The following SLC47A1 variants were observed in gnomAD, a reference collection of about 807,000 sequenced individuals.
The protein encoded by SLC47A1 is multidrug and toxin extrusion protein 1.
A neutral mutation model predicts 65.8 loss-of-function variants in SLC47A1; 58 were observed. The observed-to-expected ratio is 0.88, with a 90% CI of 0.71 to 1.10. The LOEUF is 1.10. SLC47A1 is among the 50% of genes least tolerant of loss of function. The probability of loss-of-function intolerance (pLI) is 0.00; values close to 1 mark genes in which losing one functional copy is unlikely to be tolerated. For synonymous variants in SLC47A1, 285 were observed against 295.0 expected (o/e 0.97, Z 0.35); for missense variants, 706 against 719.2 (o/e 0.98, Z 0.21).
chr17:19,556,328 G>T (rs974198275), intron 10 of SLC47A1, among the ~76,000 whole-genome samples: 2 of 152,144 alleles, frequency 1.3e-5, no homozygotes, highest in African/African-American at 2.4e-5. Flanking sequence ...TCCCTTGAAA[G>T]ATTTGATTTT....
At chr17:19,551,328 G>T in intron 5 of SLC47A1, 96 bp from the exon 6 acceptor site, 2 of 1,124,960 alleles carry the variant, frequency 1.8e-6, no homozygotes, top group South Asian at 1.2e-5. Flanking sequence ...GAGGGCAGCC[G>T]AACCTTGGCT....
At chr17:19,552,527 C>T (rs904873822) in intron 6 of SLC47A1, among the ~76,000 whole-genome samples, 5 of 152,180 alleles carry the variant, frequency 3.3e-5, no homozygotes, top group African/African-American at 1.2e-4. Context: ...GCAAGGCCTT[C>T]TCCTGGACTC....
At chr17:19,560,141 G>A (rs936688065) in intron 10 of SLC47A1, 47 bp from the exon 11 acceptor site, 6 of 1,402,286 alleles carry the variant, frequency 4.3e-6, no homozygotes, top group Non-Finnish European at 5.0e-6. Context: ...ACGTGTTCTC[G>A]CTCTGCAGTT....
At chr17:19,551,490 CTTTGGGAGGCTAATGGGAG>C in intron 6 of SLC47A1, 22 bp downstream of exon 6, 1 of 1,602,290 alleles carries the variant, frequency 6.2e-7, no homozygotes, top group Non-Finnish European at 8.6e-7. Flanking sequence ...TGTTCTCTTC[CTTTGGGAGGCTAATGGGAG>C]TTTGTACCTT....
At chr17:19,557,841 T>C (rs919999895) in intron 10 of SLC47A1, 2 of 304,116 alleles carry the variant, frequency 6.6e-6, no homozygotes, top group Non-Finnish European at 1.4e-5. Flanking sequence ...ACTTTTGTTC[T>C]AGTAGCATCT....
Position 19,555,582 on chromosome 17 carries a change from G to C in SLC47A1, c.642-11G>C. 2 of 1,613,766 alleles carry C rather than the reference G, an allele frequency of 1.2e-6. No homozygotes were observed. The highest frequency in any genetic ancestry group is 1.7e-6 in the Non-Finnish European group (2 of 1,179,682). On this transcript the variant is annotated splice_polypyrimidine_tract_variant and intron_variant, in intron 7 of 16. Coordinates refer to ENST00000270570, the MANE Select transcript of SLC47A1 (RefSeq NM_018242.3). ...AAGGTACCTCCCTCTCATTGGGACT[G>C]TTCTTTCCAGAGGCTCTGCACTGGC...
intron 1 of SLC47A1, among the ~76,000 whole-genome samples, chr17:19,540,682 C>A (rs1208881791): frequency 6.6e-6 from 1 of 152,130 alleles, no homozygotes; most frequent in African/African-American, 2.4e-5. Context: ...CCTTTTTATT[C>A]CCATCTTCTG....
At chr17:19,541,109 T>C (rs992649820) in intron 1 of SLC47A1, among the ~76,000 whole-genome samples, 3 of 152,094 alleles carry the variant, frequency 2.0e-5, no homozygotes, top group East Asian at 1.9e-4. Context: ...ACCTAAGTCA[T>C]TGGAGCCCTA....
At chr17:19,555,166 CCTATT>C in intron 6 of SLC47A1, 41 bp from the exon 7 acceptor site, 1 of 1,557,548 alleles carries the variant, frequency 6.4e-7, no homozygotes, top group Non-Finnish European at 8.9e-7. Flanking sequence ...GAAAGGCAGT[CCTATT>C]CTGTGGATCT....
chr17:19,556,083 TG>T, intron 10 of SLC47A1, 21 bp downstream of exon 10: 1 of 1,613,018 alleles, frequency 6.2e-7, no homozygotes, highest in African/African-American at 1.3e-5. Context: ...GAGCCGATCA[TG>T]GGGAGGTGCC....
chr17:19,555,412 G>A (rs894200214), intron 7 of SLC47A1, 103 bp downstream of exon 7: 197 of 1,359,544 alleles, frequency 1.4e-4, no homozygotes, highest in Non-Finnish European at 1.9e-4. Flanking sequence ...GTGTCCATGC[G>A]TGGTCTCTTT....
chr17:19,536,653 C>T (rs941619958), intron 1 of SLC47A1, among the ~76,000 whole-genome samples: 6 of 152,238 alleles, frequency 3.9e-5, no homozygotes, highest in South Asian at 2.1e-4. Context: ...GGTCTGTCTC[C>T]CATCTCTAAT....
chr17:19,557,467 A>C (rs1400236733), intron 10 of SLC47A1: 1 of 397,316 alleles, frequency 2.5e-6, no homozygotes, highest in South Asian at 1.9e-5. Flanking sequence ...TTTATTTCCA[A>C]TGTTTCAATA....
chr17:19,541,277 A>G (rs1275440201), intron 1 of SLC47A1, among the ~76,000 whole-genome samples: 1 of 152,194 alleles, frequency 6.6e-6, no homozygotes, highest in Non-Finnish European at 1.5e-5. Flanking sequence ...CGGCGGCAGC[A>G]GCAAATCCTT....
chr17:19,549,731 A>T, intron 5 of SLC47A1, 54 bp downstream of exon 5: 1 of 1,579,240 alleles, frequency 6.3e-7, no homozygotes, highest in Non-Finnish European at 8.7e-7. Context: ...GGTGAAAGGT[A>T]GCCACCATAT....
chr17:19,551,430 T>C lies in SLC47A1; in HGVS notation c.505T>C (p.Phe169Leu), dbSNP rs1916445647. 6.2e-7 allele frequency: 1 copy of C among 1,608,352 alleles called. No individual in the cohort carries two copies. The highest frequency in any genetic ancestry group is 1.3e-5 in the African/African-American group (1 of 74,826). Residue 169 changes from phenylalanine (F) to leucine (L), a missense_variant, in exon 6 of 17, where the codon TTT becomes CTT. Coordinates refer to ENST00000270570, the MANE Select transcript of SLC47A1 (RefSeq NM_018242.3). ...TIFIPALPAT[F>L]LYMLQVKYLL... is the part of the protein sequence containing the mutation. The stretch of plus-strand genomic sequence containing the variant: ...CTCTCTTGTTCTCTTGTAGGCAACC[T>C]TTCTTTATATGTTACAAGTTAAATA...
rs557911875 is a variant in SLC47A1 at position 19,534,045 on chromosome 17, C to A, written c.106C>A (p.Arg36=). ...LRLSAFREEL[R]ALLVLAGPAF... ...GCTGTCCGCCTTCCGAGAAGAGCTG[C>A]GGGCGCTCTTGGTCCTGGCTGGCCC... Residue 36 remains arginine, a synonymous_variant, in exon 1 of 17, where the codon CGG becomes AGG. Coordinates refer to ENST00000270570, the MANE Select transcript of SLC47A1 (RefSeq NM_018242.3). The A allele has an allele frequency of 5.8e-6, 9 of 1,547,648 alleles. No individual in the cohort carries two copies. The highest frequency in any genetic ancestry group is 5.2e-6 in the Non-Finnish European group (6 of 1,147,630).
At position 19,533,872 on chromosome 17, in the gene SLC47A1, A is replaced by AC; in HGVS notation, c.-67dup. ...GGTACCCACTGCCGGCCTGCGCGGT[A>AC]CTCACTGCCGGCCTCCGCGGTACCC... On this transcript the variant is annotated 5_prime_UTR_variant, in exon 1 of 17. Coordinates refer to ENST00000270570, the MANE Select transcript of SLC47A1 (RefSeq NM_018242.3). The AC allele has an allele frequency of 7.3e-7, 1 of 1,368,030 alleles. No individual in the cohort carries two copies. The highest frequency in any genetic ancestry group is 9.5e-7 in the Non-Finnish European group (1 of 1,055,244). 84.7% of individuals were successfully genotyped at this position (1,368,030 alleles called of 1,614,324 possible). A position where few individuals can be genotyped will look rare whatever the true frequency, so the allele number is the denominator to read the frequency against.
chr17:19,551,429 C>T lies in SLC47A1; in HGVS notation c.504C>T (p.Thr168=), dbSNP rs767221878. The T allele has an allele frequency of 3.1e-6, 5 of 1,608,246 alleles. No homozygotes were observed. The highest frequency in any genetic ancestry group is 2.2e-5 in the South Asian group (2 of 90,964). ...TCTCTCTTGTTCTCTTGTAGGCAAC[C>T]TTTCTTTATATGTTACAAGTTAAAT... The part of the protein sequence containing the change: ...VTIFIPALPA[T]FLYMLQVKYL... The change falls in exon 6 of 17, where the codon ACC becomes ACT. Residue 168 remains threonine (T), a synonymous_variant. Coordinates refer to ENST00000270570, the MANE Select transcript of SLC47A1 (RefSeq NM_018242.3).
Sources: allele counts gnomAD v4.1 joint callset (sites outside exome capture counted in the v4.1 genomes callset), GRCh38; gene constraint gnomAD v4.1.1; transcripts MANE v1.5; gene names NCBI Gene and HGNC (gene_info 2026-07-23, HGNC 2026-07-21).